DNAJC9: variants seen among roughly 807,000 people sequenced by gnomAD.
DNAJC9 encodes DnaJ heat shock protein family (Hsp40) member C9, also known as dnaJ homolog subfamily C member 9.
DNAJC9 carries 18 observed loss-of-function variants against 32.4 expected under a neutral mutation model. The observed-to-expected ratio is 0.56, with a 90% confidence interval of 0.38 to 0.82. DNAJC9 has a LOEUF of 0.82. DNAJC9 is among the 40% of genes least tolerant of loss of function. The probability of loss-of-function intolerance (pLI) is 0.00; values close to 1 mark genes in which losing one functional copy is unlikely to be tolerated. For synonymous variants in DNAJC9, 113 were observed against 122.1 expected, an observed-to-expected ratio of 0.93 and a Z score of 0.49; for missense variants, 310 against 321.8, an observed-to-expected ratio of 0.96 and a Z score of 0.28.
intron 2 of DNAJC9, chr10:73,233,188 G>C (rs1234975989): frequency 6.8e-7 from 1 of 1,469,188 alleles, no homozygotes; most frequent in African/African-American, 1.4e-5. Flanking sequence ...CAGAACTTCT[G>C]GAAACCGTGG....
chr10:73,232,977 G>A, intron 2 of DNAJC9: 2 of 1,551,934 alleles, frequency 1.3e-6, no homozygotes, highest in Non-Finnish European at 1.7e-6. Flanking sequence ...CCTGGGTCCA[G>A]TACCATCCTT....
downstream of DNAJC9, among the ~76,000 whole-genome samples, chr10:73,240,690 G>A (rs1235917747): frequency 1.2e-4 from 18 of 151,632 alleles, no homozygotes; most frequent in Non-Finnish European, 2.6e-4. Context: ...TCCAGCCTGG[G>A]GGGACAGAGT....
downstream of DNAJC9, among the ~76,000 whole-genome samples, chr10:73,240,010 G>C (rs571314274): frequency 6.6e-6 from 1 of 152,120 alleles, no homozygotes; most frequent in African/African-American, 2.4e-5. Flanking sequence ...CTGTAGCCTC[G>C]AACTCCGGGG....
At position 73,242,587 on chromosome 10, in the gene DNAJC9, A is replaced by G. The variant is rs1009145114; in HGVS notation, c.*813T>C. The G allele has an allele frequency of 1.3e-5, 2 of 152,216 alleles. No homozygotes were observed. The highest frequency in any genetic ancestry group is 2.9e-5 in the Non-Finnish European group (2 of 68,042). The allele number at this position is 152,216 out of a possible 1,614,324, so 9.4% of individuals were successfully genotyped here. A position where few individuals can be genotyped will look rare whatever the true frequency, so the allele number is the denominator to read the frequency against. On this transcript the variant is annotated 3_prime_UTR_variant, in exon 5 of 5. Transcript: ENST00000372950. ...GTTTTGATGTAGTAACTCTTTTATA[A>G]AAGGGAACAGATTCAGACAAGCTCA...
At chr10:73,240,527 A>C (rs564670373), downstream of DNAJC9, among the ~76,000 whole-genome samples, 15 of 152,270 alleles carry the variant, frequency 9.9e-5, no homozygotes, top group Non-Finnish European at 7.4e-5. Flanking sequence ...CCTGGCTAAC[A>C]TGGTGAAACC....
chr10:73,246,628 A>G lies in DNAJC9; in HGVS notation c.321+60T>C, dbSNP rs1335868728. ...AAATACAAGATCTTAGAGGCAGTCA[A>G]TAAAGGTTTGTTGATTGAATGATGG... On this transcript the variant is annotated intron_variant, in intron 2 of 4. Transcript: ENST00000372950. 2.5e-6 allele frequency: 4 copies of G among 1,585,654 alleles called. No individual in the cohort carries two copies. The African/African-American group carries it at 5.4e-5, about 21-fold the overall frequency.
At chr10:73,241,017 TA>T, downstream of DNAJC9, 1 of 1,525,822 alleles carries the variant, frequency 6.6e-7, no homozygotes, top group Non-Finnish European at 8.9e-7. Context: ...GCAGGGACCA[TA>T]AGGCAAATGA....
chr10:73,240,715 A>C (rs557597389), downstream of DNAJC9, among the ~76,000 whole-genome samples: 22 of 134,312 alleles, frequency 1.6e-4, no homozygotes, highest in Admixed American at 7.3e-4. Context: ...CTCCACCTCC[A>C]AAAAAAAAAA....
chr10:73,242,475 T>G lies in DNAJC9; in HGVS notation c.*925A>C, dbSNP rs1211607356. 1.3e-5 allele frequency: 2 copies of G among 152,248 alleles called. No individual in the cohort carries two copies. The highest frequency in any genetic ancestry group is 1.3e-4 in the Admixed American group (2 of 15,284). 9.4% of individuals were successfully genotyped at this position (152,248 alleles called of 1,614,324 possible). ...CCCAATTCCCTCACCCTGTGTGTTTTCCCTCAAAGCCAGTGCAATTTTTTT... is the reference window on the plus strand; with the variant it reads ...CCCAATTCCCTCACCCTGTGTGTTTGCCCTCAAAGCCAGTGCAATTTTTTT... On this transcript the variant is annotated 3_prime_UTR_variant, in exon 5 of 5. Transcript: ENST00000372950.
downstream of DNAJC9, chr10:73,234,478 G>A: frequency 3.7e-6 from 1 of 269,202 alleles, no homozygotes; most frequent in Non-Finnish European, 7.2e-6. Flanking sequence ...GTCCAGAACT[G>A]TCAAGAATTC....
At chr10:73,238,858 T>C (rs989057857), downstream of DNAJC9, 2 of 152,816 alleles carry the variant, frequency 1.3e-5, no homozygotes, top group Non-Finnish European at 2.9e-5. Context: ...TGTGAAATAT[T>C]TGCATTTCAT....
At chr10:73,244,504 G>GAAAAAAAA (rs796100576) in intron 3 of DNAJC9, 3 of 69,812 alleles carry the variant, frequency 4.3e-5, no homozygotes, top group East Asian at 4.0e-4. Context: ...AGAAAAAAGA[G>GAAAAAAAA]AAAAAAAAAA....
At chr10:73,240,009 CGA>C (rs2043905794), downstream of DNAJC9, among the ~76,000 whole-genome samples, 5 of 152,158 alleles carry the variant, frequency 3.3e-5, no homozygotes, top group Non-Finnish European at 7.4e-5. Flanking sequence ...ACTGTAGCCT[CGA>C]ACTCCGGGGC....
At chr10:73,235,288 C>T (rs1412590394), downstream of DNAJC9, 1 of 1,552,094 alleles carries the variant, frequency 6.4e-7, no homozygotes, top group Non-Finnish European at 8.7e-7. Context: ...CCGACTTTTT[C>T]CCCAGGCCCA....
At chr10:73,246,590 C>CA in intron 2 of DNAJC9, 98 bp downstream of exon 2, 2 of 1,426,118 alleles carry the variant, frequency 1.4e-6, no homozygotes, top group Non-Finnish European at 1.9e-6. Flanking sequence ...CTAATTCCTA[C>CA]AAAATTAACA....
intron 2 of DNAJC9, 74 bp downstream of exon 2, chr10:73,246,614 C>T: frequency 6.5e-7 from 1 of 1,540,972 alleles, no homozygotes; most frequent in Non-Finnish European, 8.9e-7. Flanking sequence ...AATACAAGAT[C>T]TTAGAGGCAG....
intron 3 of DNAJC9, among the ~76,000 whole-genome samples, chr10:73,245,459 AAAAAAG>A (rs1159489450): frequency 6.6e-6 from 1 of 151,910 alleles, no homozygotes; most frequent in African/African-American, 2.4e-5. Flanking sequence ...TTAAAAAAAA[AAAAAAG>A]AAAAGAAAAA....
chr10:73,233,116 T>G (rs1273531087), intron 2 of DNAJC9: 2 of 1,551,686 alleles, frequency 1.3e-6, no homozygotes, highest in East Asian at 4.9e-5. Flanking sequence ...GCCATTCATG[T>G]GCTGAAACAC....
At position 73,246,706 on chromosome 10, in the gene DNAJC9, C is replaced by T. The variant is rs750052816; in HGVS notation, c.303G>A (p.Trp101Ter). The part of the protein sequence containing the change: ...LTQDRDWEAY[W>*]RLLFKKISLE... Reference sequence around the variant, plus strand: ...CCTTTACCTTTTTAAAGAGTAGCCGCCAATACGCCTCCCAGTCTCGGTCTT... The same window carrying T: ...CCTTTACCTTTTTAAAGAGTAGCCGTCAATACGCCTCCCAGTCTCGGTCTT... Residue 101 changes from tryptophan (W) to a stop codon, truncating the protein, a stop_gained, in exon 2 of 5, where the codon TGG becomes TGA. Coordinates refer to ENST00000372950, the MANE Select transcript of DNAJC9 (RefSeq NM_015190.5). LOFTEE classifies it high-confidence loss of function. 5 of 1,613,964 alleles carry T rather than the reference C, an allele frequency of 3.1e-6. No homozygotes were observed. Among genetic ancestry groups the T allele is most frequent in the Non-Finnish European group, 4.2e-6 (5 of 1,179,894 alleles).
Sources: allele counts gnomAD v4.1 joint callset (sites outside exome capture counted in the v4.1 genomes callset), GRCh38; gene constraint gnomAD v4.1.1; transcripts MANE v1.5; gene names NCBI Gene and HGNC (gene_info 2026-07-23, HGNC 2026-07-21).